Variants in HERC1 observed in about 807,000 individuals in gnomAD.
HERC1 encodes HECT and RLD domain containing E3 ubiquitin protein ligase family member 1, also known as probable E3 ubiquitin-protein ligase HERC1.
Under a neutral mutation model 554.3 loss-of-function variants are expected in HERC1, and 160 were observed. That is an observed-to-expected ratio of 0.29 (90% confidence interval 0.25 to 0.33). The LOEUF (loss-of-function observed/expected upper bound fraction) is 0.33, where lower values mean the gene tolerates loss of function less well. Ranked by LOEUF, HERC1 falls within the 10% of genes least tolerant of loss-of-function variation. HERC1 has a pLI of 1.00. For missense variants in HERC1, 4,919 were observed against 5,918.5 expected (o/e 0.83, Z 5.54); for synonymous variants, 2,175 against 2,131.7 (o/e 1.02, Z -0.56).
rs1018668050 is a variant in HERC1, at chr15:63,612,651, G to A, written c.14095-95C>T. The A allele has an allele frequency of 1.5e-5, 18 of 1,196,910 alleles. No individual in the cohort carries two copies. Among genetic ancestry groups the A allele is most frequent in the Middle Eastern group, 2.2e-4 (1 of 4,600 alleles). The allele number at this position is 1,196,910 out of a possible 1,614,324, so 74.1% of individuals were successfully genotyped here. On this transcript the variant is annotated intron_variant, in intron 76 of 77. Coordinates refer to ENST00000443617, the MANE Select transcript of HERC1 (RefSeq NM_003922.4). The surrounding 1 kb of genome is among the most constrained non-coding windows in gnomAD (Gnocchi z 5.0). ...GCTAGGCGCCTCCTGATGCCTGCTCGTCCGCTCCCCAGACCCTCTACTTGT... is the reference window on the plus strand; with the variant it reads ...GCTAGGCGCCTCCTGATGCCTGCTCATCCGCTCCCCAGACCCTCTACTTGT...
chr15:63,785,706 C>A (rs2076416622), intron 1 of HERC1, among the ~76,000 whole-genome samples: 2 of 152,086 alleles, frequency 1.3e-5, no homozygotes, highest in South Asian at 2.1e-4. Flanking sequence ...GAGGTCAAGG[C>A]TGCAGTGAGT....
At chr15:63,653,226 A>C (rs1236400511) in intron 51 of HERC1, among the ~76,000 whole-genome samples, 1 of 152,130 alleles carries the variant, frequency 6.6e-6, no homozygotes, top group Non-Finnish European at 1.5e-5. Context: ...GGATCACCTG[A>C]GGTCAGGAGT....
At chr15:63,633,105 T>A (rs1334702563) in intron 67 of HERC1, among the ~76,000 whole-genome samples, 5 of 152,330 alleles carry the variant, frequency 3.3e-5, no homozygotes, top group African/African-American at 1.2e-4. Context: ...CCAGGACCTT[T>A]TAAAGAACAC....
intron 1 of HERC1, among the ~76,000 whole-genome samples, chr15:63,784,358 C>T (rs1454407307): frequency 1.3e-5 from 2 of 151,918 alleles, no homozygotes; most frequent in African/African-American, 4.8e-5. Context: ...GAGCAATCTC[C>T]AAGATACACT....
Position 63,674,899 on chromosome 15 carries a change from T to G in HERC1, c.7289A>C (p.Gln2430Pro), listed in dbSNP as rs1595944643. Residue 2430 changes from glutamine to proline, a missense_variant, in exon 38 of 78, where the codon CAG becomes CCG. By Grantham distance (76) the Gln-to-Pro change is moderately conservative. Around this residue, in one of 11 missense-constraint regions of HERC1, gnomAD observed 1,963 missense variants for 2,228.6 expected, o/e 0.88. Coordinates refer to ENST00000443617, the MANE Select transcript of HERC1 (RefSeq NM_003922.4). ...TAAAGCGGATTCACTCTCAGGTTTC[T>G]GCTCAACATCCCCTTTCTCCTCGGA... ...HESEEKGDVEQKPESESALDM... is the reference protein window; with the variant it reads ...HESEEKGDVEPKPESESALDM... 2 of 1,614,068 alleles carry G rather than the reference T, an allele frequency of 1.2e-6. No homozygotes were observed. Among genetic ancestry groups the G allele is most frequent in the Middle Eastern group, 1.6e-4 (1 of 6,062 alleles).
intron 71 of HERC1, among the ~76,000 whole-genome samples, chr15:63,624,710 A>G (rs999733186): frequency 6.6e-6 from 1 of 152,232 alleles, no homozygotes; most frequent in Non-Finnish European, 1.5e-5. Flanking sequence ...TATTTGAAAA[A>G]TTGAAAAAAG....
Position 63,718,549 on chromosome 15 carries a change from G to A in HERC1, c.3978+25C>T. 1 of 1,527,818 alleles carries A rather than the reference G, an allele frequency of 6.5e-7. No homozygotes were observed. Among genetic ancestry groups the A allele is most frequent in the Non-Finnish European group, 8.8e-7 (1 of 1,131,588 alleles). 94.6% of individuals were successfully genotyped at this position (1,527,818 alleles called of 1,614,324 possible). On this transcript the variant is annotated intron_variant, in intron 21 of 77. Coordinates refer to ENST00000443617, the MANE Select transcript of HERC1 (RefSeq NM_003922.4). This position sits in a 1 kb window ranked among gnomAD's most constrained non-coding sequence, Gnocchi z 4.2. Reference sequence around the variant, plus strand: ...CTCTCACAGCTTGCAGAAAAACATAGAAATTAATTGATTTCAAACTTTACC... The same window carrying A: ...CTCTCACAGCTTGCAGAAAAACATAAAAATTAATTGATTTCAAACTTTACC...
In HERC1 at chr15:63,672,625, G is replaced by A; in HGVS notation, c.7916C>T (p.Ser2639Leu). 6.2e-7 allele frequency: 1 copy of A among 1,612,978 alleles called. No individual in the cohort carries two copies. Among genetic ancestry groups the A allele is most frequent in the South Asian group, 1.1e-5 (1 of 90,728 alleles). The part of the protein sequence containing the change: ...QAQTPVTTSP[S>L]ASSTTSFMSS... ...CATAAAGGAGGTCGTGCTTGAGGCTGATGGGCTAGTAGTAACTGGTGTCTG... is the reference window on the plus strand; with the variant it reads ...CATAAAGGAGGTCGTGCTTGAGGCTAATGGGCTAGTAGTAACTGGTGTCTG... Residue 2639 changes from serine (S) to leucine (L), a missense_variant, in exon 39 of 78, where the codon TCA (serine) becomes TTA (leucine). By Grantham distance (145) the Ser-to-Leu change is moderately radical. This residue lies in a region of HERC1 where 1,963 missense variants were observed against 2,228.6 expected (regional missense o/e 0.88). Coordinates refer to ENST00000443617, the MANE Select transcript of HERC1 (RefSeq NM_003922.4).
At chr15:63,638,387 T>C in intron 63 of HERC1, 24 bp downstream of exon 63, 1 of 1,603,906 alleles carries the variant, frequency 6.2e-7, no homozygotes, top group South Asian at 1.1e-5. Context: ...ATGTTTCTTT[T>C]CTATTTTTTA....
intron 11 of HERC1, 115 bp downstream of exon 11, chr15:63,747,609 G>C (rs1252214824): frequency 5.5e-6 from 3 of 547,400 alleles, no homozygotes; most frequent in Non-Finnish European, 9.1e-6. Flanking sequence ...CATATAATTT[G>C]GGAAACCAAA....
intron 1 of HERC1, among the ~76,000 whole-genome samples, chr15:63,832,968 A>G (rs1052519446): frequency 4.6e-5 from 7 of 152,204 alleles, no homozygotes; most frequent in African/African-American, 1.4e-4. Context: ...TAAGTATTAT[A>G]GACATTTCTT....
chr15:63,758,285 T>C lies in HERC1; in HGVS notation c.1111A>G (p.Thr371Ala). 1 of 1,613,748 alleles carries C rather than the reference T, an allele frequency of 6.2e-7. No homozygotes were observed. Among genetic ancestry groups the C allele is most frequent in the Non-Finnish European group, 8.5e-7 (1 of 1,179,708 alleles). Residue 371 changes from threonine to alanine, a missense_variant, in exon 4 of 78, where the codon ACC becomes GCC. By Grantham distance (58) the Thr-to-Ala change is moderately conservative. This residue lies in a region of HERC1 where 744 missense variants were observed against 1,090.0 expected (regional missense o/e 0.68). Coordinates refer to ENST00000443617, the MANE Select transcript of HERC1 (RefSeq NM_003922.4). This position sits in a 1 kb window ranked among gnomAD's most constrained non-coding sequence, Gnocchi z 4.0. ...QTGDAPIVSE[T>A]CEVYVWGSNS... ...CTCCCCCAAACATAAACCTCACAGG[T>C]TTCGGAGACAATGGGAGCATCACCA...
chr15:63,658,635 G>T lies in HERC1; in HGVS notation c.9508C>A (p.Arg3170Ser), dbSNP rs752455176. The T allele has an allele frequency of 6.2e-7, 1 of 1,613,914 alleles. No individual in the cohort carries two copies. Among genetic ancestry groups the T allele is most frequent in the Non-Finnish European group, 8.5e-7 (1 of 1,179,822 alleles). Residue 3170 changes from arginine (R) to serine (S), a missense_variant, in exon 48 of 78, where the codon CGT (arginine) becomes AGT (serine). By Grantham distance (110) the Arg-to-Ser change is moderately radical. Coordinates refer to ENST00000443617, the MANE Select transcript of HERC1 (RefSeq NM_003922.4). The stretch of plus-strand genomic sequence containing the variant: ...GTCACTCTCCTTAAAGCCACCACAC[G>T]GTCATGAGGGTTTGCTAGGGCAGCT... ...QAAALANPHD[R>S]VVALRRVTAA...
intron 4 of HERC1, among the ~76,000 whole-genome samples, chr15:63,757,522 C>T (rs890761996): frequency 2.6e-4 from 40 of 152,178 alleles, no homozygotes; most frequent in Non-Finnish European, 5.9e-5. Flanking sequence ...CCGCCTTGGC[C>T]TCCCAAAGTG....
intron 2 of HERC1, among the ~76,000 whole-genome samples, chr15:63,765,186 T>C (rs2075735911): frequency 6.6e-6 from 1 of 152,162 alleles, no homozygotes; most frequent in African/African-American, 2.4e-5. Flanking sequence ...GCCAGAGAAA[T>C]ACATAATTCC....
rs960579077 is a variant in HERC1 at position 63,718,405 on chromosome 15, G to C, written c.3978+169C>G. ...TCACACTTGGTAAATGTGAGGTTAA[G>C]TAAATCTCAAATCTTTTCCTTTTTT... On this transcript the variant is annotated intron_variant, in intron 21 of 77. Coordinates refer to ENST00000443617, the MANE Select transcript of HERC1 (RefSeq NM_003922.4). This position sits in a 1 kb window ranked among gnomAD's most constrained non-coding sequence, Gnocchi z 4.2. 10 of 609,012 alleles carry C rather than the reference G, an allele frequency of 1.6e-5. No homozygotes were observed. Among genetic ancestry groups the C allele is most frequent in the Non-Finnish European group, 2.6e-5 (10 of 380,192 alleles). 37.7% of individuals were successfully genotyped at this position (609,012 alleles called of 1,614,324 possible).
chr15:63,727,914 T>C lies in HERC1; in HGVS notation c.3155-76A>G. On this transcript the variant is annotated intron_variant, in intron 16 of 77. Transcript: ENST00000443617. The surrounding 1 kb of genome is among the most constrained non-coding windows in gnomAD (Gnocchi z 4.3). ...AAAAAAAGGAACCTAATAAATATTA[T>C]TTTAGCTTGGAACTAGAGTAGACTC... 1 of 1,215,656 alleles carries C rather than the reference T, an allele frequency of 8.2e-7. No individual in the cohort carries two copies. The highest frequency in any genetic ancestry group is 2.4e-5 in the East Asian group (1 of 41,754). 75.3% of individuals were successfully genotyped at this position (1,215,656 alleles called of 1,614,324 possible).
intron 1 of HERC1, among the ~76,000 whole-genome samples, chr15:63,807,797 C>T (rs541492349): frequency 4.1e-4 from 63 of 152,176 alleles, no homozygotes; most frequent in Middle Eastern, 6.8e-3. Context: ...CCTTTGTGCC[C>T]CCACTCATGC....
intron 58 of HERC1, 76 bp from the exon 59 acceptor site, chr15:63,643,134 T>A: frequency 1.9e-6 from 2 of 1,054,722 alleles, no homozygotes; most frequent in Admixed American, 2.1e-5. Flanking sequence ...TATTTCACAT[T>A]GACAAAAACA....
Sources: allele counts gnomAD v4.1 joint callset (sites outside exome capture counted in the v4.1 genomes callset), GRCh38; gene constraint gnomAD v4.1.1; regional missense constraint gnomAD v4.1.1; non-coding constraint Gnocchi (gnomAD v3.1); transcripts MANE v1.5; gene names NCBI Gene and HGNC (gene_info 2026-07-23, HGNC 2026-07-21).